The following GRIP1 variants were observed in gnomAD, a reference collection of about 807,000 sequenced individuals.
The protein encoded by GRIP1 is glutamate receptor-interacting protein 1.
GRIP1 carries 45 observed loss-of-function variants against 129.9 expected under a neutral mutation model. That is an observed-to-expected ratio of 0.35 (90% CI 0.27 to 0.44). The LOEUF (loss-of-function observed/expected upper bound fraction) is 0.44, where lower values mean the gene tolerates loss of function less well. Among genes scored for constraint, GRIP1 ranks in the 20% least tolerant of loss-of-function variants. The pLI is 1.00. For missense variants in GRIP1, 1,196 were observed against 1,396.8 expected, an observed-to-expected ratio of 0.86 and a Z score of 2.29; for synonymous variants, 530 against 520.8, an observed-to-expected ratio of 1.02 and a Z score of -0.24.
At chr12:67,050,687 T>C (rs2043330061) in intron 1 of GRIP1, among the ~76,000 whole-genome samples, 1 of 152,150 alleles carries the variant, frequency 6.6e-6, no homozygotes, top group Non-Finnish European at 1.5e-5. Flanking sequence ...TCACTACTAC[T>C]CTATGGTAGC....
chr12:66,899,526 C>T lies in GRIP1; in HGVS notation c.58+169524G>A, dbSNP rs1046461362. Among the ~76,000 whole-genome samples the T allele has an allele frequency of 5.9e-5, 9 of 152,094 alleles. No homozygotes were observed. The South Asian group carries it at 1.0e-3, about 18-fold the overall frequency. On this transcript the variant is annotated intron_variant, in intron 1 of 1. Transcript: ENST00000643019. ...TACAAATTCACGCCACCATACCTGGCTATTTTTTTTTAATTTTTTATAGAG... is the reference window on the plus strand; with the variant it reads ...TACAAATTCACGCCACCATACCTGGTTATTTTTTTTTAATTTTTTATAGAG...
At chr12:66,697,723 C>G (rs2035212532) in intron 1 of GRIP1, among the ~76,000 whole-genome samples, 1 of 152,152 alleles carries the variant, frequency 6.6e-6, no homozygotes. Context: ...CAAATCTGAA[C>G]TAAATTCCAG....
chr12:66,422,671 C>A (rs1456957825), intron 14 of GRIP1, among the ~76,000 whole-genome samples: 1 of 152,160 alleles, frequency 6.6e-6, no homozygotes, highest in Non-Finnish European at 1.5e-5. Flanking sequence ...CTCTGTCATC[C>A]TTGAAAGAGA....
At chr12:66,845,091 A>T (rs1481933114) in intron 1 of GRIP1, among the ~76,000 whole-genome samples, 2 of 152,232 alleles carry the variant, frequency 1.3e-5, no homozygotes, top group Admixed American at 6.5e-5. Flanking sequence ...AAAATGGTTA[A>T]GATAGCAAAT....
intron 23 of GRIP1, among the ~76,000 whole-genome samples, 177 bp from the exon 24 acceptor site, chr12:66,353,740 T>G (rs2054345782): frequency 6.6e-6 from 1 of 152,228 alleles, no homozygotes; most frequent in Non-Finnish European, 1.5e-5. Flanking sequence ...AGAATATCTT[T>G]GGACTTTATG....
Position 66,432,523 on chromosome 12 carries a change from T to C in GRIP1, c.1768+25A>G, listed in dbSNP as rs1005008591. ...AGTTTTCTAATGCCTTTAAAAATTATTTAAAAGAAATAACTTCTACTTACA... is the reference window on the plus strand; with the variant it reads ...AGTTTTCTAATGCCTTTAAAAATTACTTAAAAGAAATAACTTCTACTTACA... On this transcript the variant is annotated intron_variant, in intron 14 of 24. Coordinates refer to ENST00000359742, the MANE Select transcript of GRIP1 (RefSeq NM_001366722.1). 3 of 1,387,718 alleles carry C rather than the reference T, an allele frequency of 2.2e-6. No individual in the cohort carries two copies. In the East Asian group the frequency reaches 6.9e-5, roughly 32 times the overall value. The allele number at this position is 1,387,718 out of a possible 1,614,324, so 86.0% of individuals were successfully genotyped here. A position where few individuals can be genotyped will look rare whatever the true frequency, so the allele number is the denominator to read the frequency against.
chr12:66,743,687 T>A (rs1003405273), intron 1 of GRIP1, among the ~76,000 whole-genome samples: 3 of 151,798 alleles, frequency 2.0e-5, no homozygotes, highest in Non-Finnish European at 4.4e-5. Flanking sequence ...GATTATAAGA[T>A]AACAAGGAGG....
At chr12:66,763,795 A>G (rs1051093197) in intron 1 of GRIP1, among the ~76,000 whole-genome samples, 1 of 152,210 alleles carries the variant, frequency 6.6e-6, no homozygotes, top group Non-Finnish European at 1.5e-5. Flanking sequence ...ATAATTATAT[A>G]CAAATCACCA....
chr12:66,940,048 A>G (rs918676358), intron 1 of GRIP1, among the ~76,000 whole-genome samples: 10 of 152,154 alleles, frequency 6.6e-5, no homozygotes, highest in Non-Finnish European at 1.0e-4. Flanking sequence ...GCAAAATCTT[A>G]TTAGTAGAAA....
At chr12:66,877,301 A>T (rs1566061644) in intron 1 of GRIP1, among the ~76,000 whole-genome samples, 1 of 152,078 alleles carries the variant, frequency 6.6e-6, no homozygotes. Flanking sequence ...ATTTTTATAT[A>T]TCTTTTGTAT....
intron 1 of GRIP1, among the ~76,000 whole-genome samples, chr12:66,607,696 G>A (rs910548528): frequency 6.6e-6 from 1 of 152,168 alleles, no homozygotes; most frequent in African/African-American, 2.4e-5. Context: ...CAAGCTCCAT[G>A]GCAGAGGTGC....
intron 1 of GRIP1, among the ~76,000 whole-genome samples, chr12:66,893,444 C>T (rs1172219156): frequency 6.6e-6 from 1 of 152,028 alleles, no homozygotes; most frequent in East Asian, 1.9e-4. Context: ...CACCATGTTG[C>T]CCAAGCTAAT....
In GRIP1 at chr12:66,589,194, T is replaced by TTCTCTCTCTC. The variant is rs10582806; in HGVS notation, c.136+7643_136+7652dup. 4.7e-3 allele frequency among the ~76,000 whole-genome samples: 451 copies of TTCTCTCTCTC among 95,620 alleles called. 7 individuals carry two copies. Among genetic ancestry groups the TTCTCTCTCTC allele is most frequent in the African/African-American group, 0.015 (344 of 22,210 alleles). The allele number at this position is 95,620 out of a possible 152,430, so 62.7% of individuals were successfully genotyped here. On this transcript the variant is annotated intron_variant, in intron 2 of 24. Transcript: ENST00000359742. The stretch of plus-strand genomic sequence containing the variant: ...TGTATAATTATTCCCCTCCCCCACC[T>TTCTCTCTCTC]TCTCTCTCTCTCTCTCTCTCTCTCT...
intron 1 of GRIP1, among the ~76,000 whole-genome samples, chr12:66,956,612 T>A (rs553801147): frequency 6.6e-6 from 1 of 152,192 alleles, no homozygotes; most frequent in African/African-American, 2.4e-5. Context: ...AATTAATAAA[T>A]GTTTAGGAGA....
Position 66,910,653 on chromosome 12 carries a change from T to C in GRIP1, c.58+158397A>G, listed in dbSNP as rs539661367. ...ACATTTTGAGGACAAGGAAAAGAAA[T>C]AGTGAGTGTGAAAATGAAACCCAGG... On this transcript the variant is annotated intron_variant, in intron 1 of 1. Coordinates refer to the GRIP1 transcript ENST00000643019. Among the ~76,000 whole-genome samples the C allele has an allele frequency of 9.2e-5, 14 of 151,714 alleles. No homozygotes were observed. In the South Asian group the frequency reaches 2.3e-3, roughly 25 times the overall value.
intron 7 of GRIP1, among the ~76,000 whole-genome samples, chr12:66,498,948 A>G (rs1327842705): frequency 2.6e-5 from 4 of 152,174 alleles, no homozygotes; most frequent in African/African-American, 9.7e-5. Flanking sequence ...CTGTAAAGAG[A>G]ATAGTGCATT....
intron 1 of GRIP1, among the ~76,000 whole-genome samples, chr12:67,029,135 A>T (rs1455111613): frequency 6.6e-6 from 1 of 152,106 alleles, no homozygotes; most frequent in East Asian, 1.9e-4. Context: ...ATTTTTAGAT[A>T]GGGTCTTGCT....
intron 20 of GRIP1, among the ~76,000 whole-genome samples, chr12:66,378,113 A>C (rs2055901253): frequency 6.6e-6 from 1 of 152,138 alleles, no homozygotes; most frequent in African/African-American, 2.4e-5. Context: ...TTTAAAAAAA[A>C]AAAAAAGTAA....
chr12:67,010,309 T>C (rs1324039702), intron 1 of GRIP1, among the ~76,000 whole-genome samples: 1 of 152,200 alleles, frequency 6.6e-6, no homozygotes. Flanking sequence ...TCTGACCTAA[T>C]AGCAATTCGA....
Sources: allele counts gnomAD v4.1 joint callset (sites outside exome capture counted in the v4.1 genomes callset), GRCh38; gene constraint gnomAD v4.1.1; transcripts MANE v1.5; gene names NCBI Gene and HGNC (gene_info 2026-07-23, HGNC 2026-07-21).